The following UBQLN1 variants were observed in gnomAD, a reference collection of about 807,000 sequenced individuals.
The protein encoded by UBQLN1 is ubiquilin-1.
UBQLN1 carries 13 observed loss-of-function variants against 65.4 expected under a neutral mutation model. That is an observed-to-expected ratio of 0.20 (90% confidence interval 0.13 to 0.32). The LOEUF (loss-of-function observed/expected upper bound fraction) is 0.32, where lower values mean the gene tolerates loss of function less well. Among genes scored for constraint, UBQLN1 ranks in the 10% least tolerant of loss-of-function variants. The pLI, the probability that UBQLN1 is intolerant of heterozygous loss-of-function variation, is 1.00. For missense variants in UBQLN1, 561 were observed against 724.0 expected (o/e 0.77, Z 2.58); for synonymous variants, 267 against 247.8 (o/e 1.08, Z -0.73).
At chr9:83,679,719 T>G (rs1831908769) in intron 4 of UBQLN1, 56 bp downstream of exon 4, 3 of 1,563,838 alleles carry the variant, frequency 1.9e-6, no homozygotes, top group African/African-American at 2.7e-5. Flanking sequence ...CACAGAAAAT[T>G]AAATAACAAA....
At chr9:83,671,806 A>G (rs1261737958) in intron 6 of UBQLN1, among the ~76,000 whole-genome samples, 3 of 152,242 alleles carry the variant, frequency 2.0e-5, no homozygotes, top group Admixed American at 2.0e-4. Flanking sequence ...CCCAACAGTC[A>G]GCCTTTCCTT....
intron 1 of UBQLN1, among the ~76,000 whole-genome samples, chr9:83,687,743 T>C (rs910461771): frequency 3.9e-5 from 6 of 152,148 alleles, no homozygotes; most frequent in Non-Finnish European, 8.8e-5. Flanking sequence ...TGAACAAAAT[T>C]TTCCATAATC....
chr9:83,700,265 G>T (rs1230546069), intron 1 of UBQLN1, among the ~76,000 whole-genome samples: 1 of 152,180 alleles, frequency 6.6e-6, no homozygotes, highest in Non-Finnish European at 1.5e-5. Flanking sequence ...AAGCAGTCAA[G>T]AGTTGTGCCT....
chr9:83,705,202 G>T (rs186471632), intron 1 of UBQLN1, among the ~76,000 whole-genome samples: 108 of 148,468 alleles, frequency 7.3e-4, no homozygotes, highest in Non-Finnish European at 1.3e-3. Flanking sequence ...ATGGTAAAAT[G>T]ATACAAGCAT....
In UBQLN1 at chr9:83,703,730, A is replaced by G. The variant is rs565743616; in HGVS notation, c.180+3770T>C. ...GTTGATTCTGAGTGCTCCGTGAATA[A>G]TAAATTTCACTCTAAATTGGAAAAA... On this transcript the variant is annotated intron_variant, in intron 1 of 10. Transcript: ENST00000376395. Among the ~76,000 whole-genome samples, 9 of 152,328 alleles carry G rather than the reference A, an allele frequency of 5.9e-5. No individual in the cohort carries two copies. In the South Asian group the frequency reaches 1.9e-3, roughly 32 times the overall value.
chr9:83,679,716 A>C, intron 4 of UBQLN1, 59 bp downstream of exon 4: 1 of 1,558,866 alleles, frequency 6.4e-7, no homozygotes, highest in Non-Finnish European at 8.8e-7. Context: ...AACCACAGAA[A>C]ATTAAATAAC....
At chr9:83,694,937 C>G (rs533709272) in intron 1 of UBQLN1, among the ~76,000 whole-genome samples, 6 of 152,204 alleles carry the variant, frequency 3.9e-5, no homozygotes, top group Admixed American at 1.3e-4. Flanking sequence ...TTCATGCTCT[C>G]CTTTCTCAAA....
rs144073234 is a variant in UBQLN1 at position 83,690,793 on chromosome 9, G to T, written c.181-4638C>A. 7.1e-3 allele frequency among the ~76,000 whole-genome samples: 1,075 copies of T among 151,366 alleles called. 8 individuals carry two copies. The highest frequency in any genetic ancestry group is 0.011 in the Non-Finnish European group (715 of 67,852). On this transcript the variant is annotated intron_variant, in intron 1 of 10. Coordinates refer to ENST00000376395, the MANE Select transcript of UBQLN1 (RefSeq NM_013438.5). ...ACATCAAGAAGTCGAAACACAGCCA[G>T]CTCTCCTTAGTATTTCAATTTCAAA...
intron 6 of UBQLN1, among the ~76,000 whole-genome samples, chr9:83,672,463 T>C (rs1443450105): frequency 6.6e-6 from 1 of 152,068 alleles, no homozygotes; most frequent in Non-Finnish European, 1.5e-5. Context: ...CACTGTAGAG[T>C]TATTAACTGA....
intron 1 of UBQLN1, among the ~76,000 whole-genome samples, chr9:83,695,387 A>C (rs1228445791): frequency 2.0e-5 from 3 of 151,980 alleles, no homozygotes; most frequent in Non-Finnish European, 2.9e-5. Context: ...TTTAGTAGAG[A>C]TGGGGTTTCA....
chr9:83,684,997 G>C (rs980209184), intron 2 of UBQLN1, among the ~76,000 whole-genome samples: 7 of 152,046 alleles, frequency 4.6e-5, no homozygotes, highest in Non-Finnish European at 7.4e-5. Context: ...CTACATGCCT[G>C]CACATGTAGT....
intron 1 of UBQLN1, among the ~76,000 whole-genome samples, chr9:83,705,161 A>C (rs1171493293): frequency 6.6e-6 from 1 of 152,066 alleles, no homozygotes; most frequent in Non-Finnish European, 1.5e-5. Context: ...ATATGGAGCA[A>C]CAGGAACTCC....
chr9:83,677,015 C>T (rs1831844906), intron 6 of UBQLN1, among the ~76,000 whole-genome samples: 2 of 152,146 alleles, frequency 1.3e-5, no homozygotes, highest in Non-Finnish European at 2.9e-5. Flanking sequence ...CAGATCTTAA[C>T]CCCACTATGA....
intron 2 of UBQLN1, among the ~76,000 whole-genome samples, chr9:83,684,289 G>T (rs1199379563): frequency 6.6e-6 from 1 of 151,804 alleles, no homozygotes; most frequent in Non-Finnish European, 1.5e-5. Context: ...CCACCTCCCA[G>T]GTTCAAGCGA....
chr9:83,703,265 T>C (rs1156688260), intron 1 of UBQLN1, among the ~76,000 whole-genome samples: 1 of 152,100 alleles, frequency 6.6e-6, no homozygotes, highest in Non-Finnish European at 1.5e-5. Context: ...TCCAAAAATA[T>C]GAAATCTGAA....
At chr9:83,699,505 T>C (rs1453288933) in intron 1 of UBQLN1, among the ~76,000 whole-genome samples, 1 of 152,058 alleles carries the variant, frequency 6.6e-6, no homozygotes, top group Non-Finnish European at 1.5e-5. Flanking sequence ...TTTTTATTTT[T>C]TTGTAGACAG....
chr9:83,699,190 A>C (rs888041455), intron 1 of UBQLN1, among the ~76,000 whole-genome samples: 1 of 152,236 alleles, frequency 6.6e-6, no homozygotes, highest in South Asian at 2.1e-4. Context: ...ATTGTACAAC[A>C]ATGTGAATGT....
chr9:83,683,291 A>G (rs1190259938), intron 2 of UBQLN1, among the ~76,000 whole-genome samples: 1 of 152,024 alleles, frequency 6.6e-6, no homozygotes, highest in East Asian at 1.9e-4. Flanking sequence ...GAGTGCCTAT[A>G]GTCCCAGCTA....
At chr9:83,688,106 T>C (rs1262920477) in intron 1 of UBQLN1, among the ~76,000 whole-genome samples, 1 of 152,196 alleles carries the variant, frequency 6.6e-6, no homozygotes, top group East Asian at 1.9e-4. Flanking sequence ...GAAATAGTAA[T>C]ATAATGAATG....
Sources: gnomAD v4.1 joint callset for allele counts (sites outside exome capture counted in the v4.1 genomes callset) on GRCh38, gnomAD v4.1.1 for gene constraint, MANE v1.5 for transcripts, NCBI Gene and HGNC (gene_info 2026-07-23, HGNC 2026-07-21) for gene names.